The following MAML3 variants were observed in gnomAD, a reference collection of about 807,000 sequenced individuals.
MAML3 encodes mastermind like transcriptional coactivator 3.
In MAML3, 27 loss-of-function variants were observed where a neutral mutation model predicts 101.9. The observed-to-expected ratio is 0.27, with a 90% CI of 0.20 to 0.37. MAML3 has a LOEUF of 0.37. Among genes scored for constraint, MAML3 ranks in the 10% least tolerant of loss-of-function variants. The probability of loss-of-function intolerance (pLI) is 1.00; values close to 1 mark genes in which losing one functional copy is unlikely to be tolerated. For missense variants in MAML3, 1,316 were observed against 1,444.9 expected, an observed-to-expected ratio of 0.91 and a Z score of 1.45; for synonymous variants, 501 against 555.9, an observed-to-expected ratio of 0.90 and a Z score of 1.39.
intron 2 of MAML3, among the ~76,000 whole-genome samples, chr4:139,828,712 CTTTTT>C (rs996757226): frequency 2.3e-5 from 3 of 128,702 alleles, no homozygotes; most frequent in Admixed American, 7.6e-5. Flanking sequence ...AGATGCACTT[CTTTTT>C]TTTTTTTTTT....
chr4:140,015,826 G>A (rs1000346117), intron 1 of MAML3, among the ~76,000 whole-genome samples: 7 of 152,248 alleles, frequency 4.6e-5, no homozygotes, highest in African/African-American at 9.6e-5. Flanking sequence ...GGTGGCACAC[G>A]CTTGTAATCC....
intron 1 of MAML3, among the ~76,000 whole-genome samples, chr4:139,910,971 C>A (rs1346572364): frequency 6.6e-6 from 1 of 152,118 alleles, no homozygotes; most frequent in Non-Finnish European, 1.5e-5. Context: ...GTTGTACAAC[C>A]ATCTCTCCAC....
At chr4:139,992,903 T>C (rs1171106875) in intron 1 of MAML3, among the ~76,000 whole-genome samples, 2 of 152,236 alleles carry the variant, frequency 1.3e-5, no homozygotes, top group Non-Finnish European at 2.9e-5. Flanking sequence ...TGTGAAATTG[T>C]GTCTCCTTGG....
In MAML3 at chr4:139,719,129, G is replaced by T. The variant is rs10519504; in HGVS notation, c.*194C>A. ...TGCATGGCGTCTCATCTCGATTGCT[G>T]TGTGAAAATCAGGTGAAATGAGGCC... is the stretch of plus-strand genomic sequence containing the variant. On this transcript the variant is annotated 3_prime_UTR_variant, in exon 5 of 5. Transcript: ENST00000509479. The T allele has an allele frequency of 0.15, 91,950 of 600,620 alleles. 7,290 individuals carry two copies. Among genetic ancestry groups the T allele is most frequent in the South Asian group, 0.18 (7,230 of 40,810 alleles). The allele number at this position is 600,620 out of a possible 1,614,324, so 37.2% of individuals were successfully genotyped here. A position where few individuals can be genotyped will look rare whatever the true frequency, so the allele number is the denominator to read the frequency against.
At chr4:139,803,116 A>T (rs185861404) in intron 2 of MAML3, among the ~76,000 whole-genome samples, 131 of 152,256 alleles carry the variant, frequency 8.6e-4, no homozygotes, top group African/African-American at 2.9e-3. Context: ...CCAATTTAAA[A>T]TGCAGTGACT....
intron 1 of MAML3, among the ~76,000 whole-genome samples, chr4:140,109,854 T>C (rs1728410833): frequency 6.6e-6 from 1 of 152,196 alleles, no homozygotes; most frequent in African/African-American, 2.4e-5. Flanking sequence ...CATGCCCTGG[T>C]CACACGTTTC....
At chr4:139,783,345 T>C (rs941083949) in intron 2 of MAML3, among the ~76,000 whole-genome samples, 7 of 152,220 alleles carry the variant, frequency 4.6e-5, no homozygotes, top group Non-Finnish European at 1.0e-4. Flanking sequence ...GTCCTAATTG[T>C]TGTCAAGCGT....
chr4:140,083,101 T>C (rs183689729), intron 1 of MAML3, among the ~76,000 whole-genome samples: 51 of 152,354 alleles, frequency 3.3e-4, no homozygotes, highest in African/African-American at 1.2e-3. Context: ...GGGAAAAGGA[T>C]AGAAATTATT....
At chr4:140,024,014 C>T (rs1458259299) in intron 1 of MAML3, among the ~76,000 whole-genome samples, 6 of 152,138 alleles carry the variant, frequency 3.9e-5, no homozygotes, top group Non-Finnish European at 7.4e-5. Flanking sequence ...AATGATATAA[C>T]AGCAATAGCT....
intron 1 of MAML3, among the ~76,000 whole-genome samples, chr4:140,125,767 A>G (rs1467005847): frequency 6.6e-6 from 1 of 151,938 alleles, no homozygotes; most frequent in African/African-American, 2.4e-5. Context: ...CATAAGGTAC[A>G]GGTGTTTTTG....
chr4:139,762,704 C>T (rs1002144570), intron 2 of MAML3, among the ~76,000 whole-genome samples: 2 of 152,152 alleles, frequency 1.3e-5, no homozygotes, highest in Non-Finnish European at 2.9e-5. Flanking sequence ...GAGGCTCCAT[C>T]GCTACACTCA....
At chr4:139,782,550 T>G (rs1730236376) in intron 2 of MAML3, among the ~76,000 whole-genome samples, 1 of 152,132 alleles carries the variant, frequency 6.6e-6, no homozygotes. Flanking sequence ...CTGATATATA[T>G]ATGTAGAAAA....
At chr4:140,049,317 G>A (rs1727230899) in intron 1 of MAML3, among the ~76,000 whole-genome samples, 1 of 152,178 alleles carries the variant, frequency 6.6e-6, no homozygotes, top group Non-Finnish European at 1.5e-5. Context: ...CACAGACAAC[G>A]CTGTGGGATT....
intron 1 of MAML3, among the ~76,000 whole-genome samples, chr4:140,007,625 G>A (rs141636690): frequency 3.3e-5 from 5 of 152,304 alleles, no homozygotes; most frequent in African/African-American, 1.2e-4. Context: ...GGAGGTGGTC[G>A]GGGTAAGATC....
At position 139,735,904 on chromosome 4, in the gene MAML3, G is replaced by C. The variant is rs1286660527; in HGVS notation, c.2080-5237C>G. On this transcript the variant is annotated intron_variant, in intron 2 of 4. Transcript: ENST00000509479. The surrounding 1 kb of genome is among the most constrained non-coding windows in gnomAD (Gnocchi z 5.8). ...CCCGCGAGGGGCCCTGGAGGTCCTC[G>C]GCCCGCGCGCGCCGCTCGGGAGCCC... is the stretch of plus-strand genomic sequence containing the variant. Among the ~76,000 whole-genome samples, 1 of 151,962 alleles carries C rather than the reference G, an allele frequency of 6.6e-6. No homozygotes were observed. The highest frequency in any genetic ancestry group is 1.5e-5 in the Non-Finnish European group (1 of 67,952).
In MAML3 at chr4:139,878,820, G is replaced by A. The variant is rs568065308; in HGVS notation, c.2079+10537C>T. On this transcript the variant is annotated intron_variant, in intron 2 of 4. Coordinates refer to ENST00000509479, the MANE Select transcript of MAML3 (RefSeq NM_018717.5). The stretch of plus-strand genomic sequence containing the variant: ...TGCCTGAGAGCAGTCTTGCTCTGAG[G>A]AGAACAGCCCGAAAGAGGCCCTACA... 2.2e-4 allele frequency among the ~76,000 whole-genome samples: 34 copies of A among 152,320 alleles called. 2 individuals carry two copies. The South Asian group carries it at 7.1e-3, about 32-fold the overall frequency.
chr4:140,030,120 C>T (rs1053501751), intron 1 of MAML3, among the ~76,000 whole-genome samples: 6 of 152,144 alleles, frequency 3.9e-5, no homozygotes, highest in African/African-American at 1.2e-4. Context: ...TATTTCCCTT[C>T]TAATTATTTT....
intron 2 of MAML3, among the ~76,000 whole-genome samples, chr4:139,769,966 C>A (rs543478434): frequency 4.6e-4 from 69 of 149,370 alleles, no homozygotes; most frequent in Non-Finnish European, 7.5e-4. Flanking sequence ...GTTGCCCAGT[C>A]CGGAGTGCAG....
At position 140,035,769 on chromosome 4, in the gene MAML3, C is replaced by T. The variant is rs576227667; in HGVS notation, c.468+117091G>A. Reference sequence around the variant, plus strand: ...CTGCACTCCAGCCTGGGCAACAGAGCGAGACTCCGTCTCAAAAAAAAAAAA... The same window carrying T: ...CTGCACTCCAGCCTGGGCAACAGAGTGAGACTCCGTCTCAAAAAAAAAAAA... On this transcript the variant is annotated intron_variant, in intron 1 of 4. Transcript: ENST00000509479. Among the ~76,000 whole-genome samples the T allele has an allele frequency of 2.4e-4, 35 of 147,208 alleles. No individual in the cohort carries two copies. In the East Asian group the frequency reaches 5.9e-3, roughly 25 times the overall value.
Sources: allele counts gnomAD v4.1 joint callset (sites outside exome capture counted in the v4.1 genomes callset), GRCh38; gene constraint gnomAD v4.1.1; non-coding constraint Gnocchi (gnomAD v3.1); transcripts MANE v1.5; gene names NCBI Gene and HGNC (gene_info 2026-07-23, HGNC 2026-07-21).